The following NOX4 variants were observed in gnomAD, a reference collection of about 807,000 sequenced individuals.
The protein encoded by NOX4 is NADPH oxidase 4.
Under a neutral mutation model 87.6 loss-of-function variants are expected in NOX4, and 69 were observed. That is an observed-to-expected ratio of 0.79 (90% CI 0.65 to 0.96). NOX4 has a LOEUF of 0.96. Ranked by LOEUF, NOX4 falls within the 40% of genes least tolerant of loss-of-function variation. The pLI is 0.00. For synonymous variants in NOX4, 275 were observed against 238.2 expected (o/e 1.15, Z -1.42); for missense variants, 680 against 681.5 (o/e 1.00, Z 0.02).
intron 8 of NOX4, among the ~76,000 whole-genome samples, chr11:89,403,465 A>C (rs1240405192): frequency 6.6e-6 from 1 of 152,194 alleles, no homozygotes; most frequent in Non-Finnish European, 1.5e-5. Context: ...TTTACAGTAC[A>C]TGCTTTTTAA....
In NOX4 at chr11:89,491,226, G is replaced by A; in HGVS notation, c.21C>T (p.Ser7=). The part of the protein sequence containing the change: MAVSWR[S]WLANEGVKHL... Reference sequence around the variant, plus strand: ...GTTTAACCCCTTCGTTGGCGAGCCAGCTCCTCCAGGACACAGCCATGCCGC... The same window carrying A: ...GTTTAACCCCTTCGTTGGCGAGCCAACTCCTCCAGGACACAGCCATGCCGC... The change falls in exon 1 of 18, where the codon AGC becomes AGT. Residue 7 remains serine (S), a synonymous_variant. Coordinates refer to ENST00000263317, the MANE Select transcript of NOX4 (RefSeq NM_016931.5). 1.2e-6 allele frequency: 2 copies of A among 1,613,690 alleles called. No homozygotes were observed. The highest frequency in any genetic ancestry group is 2.7e-5 in the African/African-American group (2 of 75,060).
chr11:89,486,632 ACATATATATGTG>A, intron 2 of NOX4, among the ~76,000 whole-genome samples: 3 of 130,500 alleles, frequency 2.3e-5, no homozygotes, highest in South Asian at 2.3e-4. Context: ...GTGTATATAT[ACATATATATGTG>A]TGTATATATG....
intron 12 of NOX4, among the ~76,000 whole-genome samples, chr11:89,364,070 C>A (rs1232103854): frequency 6.6e-6 from 1 of 151,990 alleles, no homozygotes; most frequent in African/African-American, 2.4e-5. Flanking sequence ...CACAGCAAGA[C>A]CCTTGCTCTT....
At chr11:89,450,709 C>T (rs968134901) in intron 3 of NOX4, among the ~76,000 whole-genome samples, 9 of 149,776 alleles carry the variant, frequency 6.0e-5, no homozygotes, top group African/African-American at 1.7e-4. Flanking sequence ...TCTCCTAATG[C>T]CATCCCTCCC....
At chr11:89,410,899 G>A (rs570627025) in intron 8 of NOX4, among the ~76,000 whole-genome samples, 2 of 152,162 alleles carry the variant, frequency 1.3e-5, no homozygotes, top group Non-Finnish European at 2.9e-5. Context: ...GAGCAGCCAA[G>A]AGAGTGCTTG....
the NOX4 span, among the ~76,000 whole-genome samples, chr11:89,573,464 G>C: frequency 1.3e-5 from 2 of 152,184 alleles, no homozygotes; most frequent in African/African-American, 4.8e-5. Flanking sequence ...GTGCAAACCC[G>C]GGAGGCGGAG....
At position 89,489,502 on chromosome 11, in the gene NOX4, C is replaced by T. The variant is rs551013750; in HGVS notation, c.153+956G>A. On this transcript the variant is annotated intron_variant, in intron 2 of 17. Coordinates refer to ENST00000263317, the MANE Select transcript of NOX4 (RefSeq NM_016931.5). ...CAGCACTGTGGGAGGCTGAGGCAGG[C>T]GGATCACTTGAGGTCAGGAGTTCTA... Among the ~76,000 whole-genome samples, 293 of 151,904 alleles carry T rather than the reference C, an allele frequency of 1.9e-3. 1 individual carries two copies. Among genetic ancestry groups the T allele is most frequent in the African/African-American group, 6.5e-3 (271 of 41,472 alleles).
At chr11:89,504,754 T>A in the NOX4 span, among the ~76,000 whole-genome samples, 1 of 151,960 alleles carries the variant, frequency 6.6e-6, no homozygotes, top group African/African-American at 2.4e-5. Flanking sequence ...TCATACAAAC[T>A]TTGAGCACCT....
At chr11:89,468,852 C>CT (rs1174904171) in intron 2 of NOX4, among the ~76,000 whole-genome samples, 2 of 152,138 alleles carry the variant, frequency 1.3e-5, no homozygotes, top group East Asian at 3.9e-4. Flanking sequence ...TTAGCTGATT[C>CT]TCCCACCTCA....
the NOX4 span, among the ~76,000 whole-genome samples, chr11:89,575,991 T>C: frequency 6.6e-6 from 1 of 152,204 alleles, no homozygotes; most frequent in Non-Finnish European, 1.5e-5. Flanking sequence ...GAATGCTCCA[T>C]GTTGCTAACA....
At chr11:89,436,557 T>G (rs1019409851) in intron 6 of NOX4, among the ~76,000 whole-genome samples, 1 of 152,206 alleles carries the variant, frequency 6.6e-6, no homozygotes, top group Non-Finnish European at 1.5e-5. Flanking sequence ...ATATTAAATT[T>G]ATTAATTAGT....
chr11:89,362,717 T>A (rs556134762), intron 12 of NOX4, among the ~76,000 whole-genome samples: 9 of 152,132 alleles, frequency 5.9e-5, no homozygotes, highest in African/African-American at 2.2e-4. Context: ...CAAGAGTAGT[T>A]GTCATTCATT....
chr11:89,575,236 G>A, the NOX4 span, among the ~76,000 whole-genome samples: 51 of 148,672 alleles, frequency 3.4e-4, no homozygotes, highest in African/African-American at 1.2e-3. Flanking sequence ...TTCTAATGAA[G>A]CTTAGTGCCT....
At chr11:89,468,446 G>A (rs1945797301) in intron 2 of NOX4, among the ~76,000 whole-genome samples, 1 of 152,190 alleles carries the variant, frequency 6.6e-6, no homozygotes, top group Admixed American at 6.5e-5. Context: ...CCAGAGCAGT[G>A]CTGAAGACTA....
chr11:89,344,978 G>A (rs927263406), intron 13 of NOX4, among the ~76,000 whole-genome samples: 1 of 152,168 alleles, frequency 6.6e-6, no homozygotes, highest in South Asian at 2.1e-4. Flanking sequence ...GGAAAAAAGT[G>A]AGTGTGATAA....
chr11:89,539,639 T>G, the NOX4 span, among the ~76,000 whole-genome samples: 1 of 152,052 alleles, frequency 6.6e-6, no homozygotes, highest in African/African-American at 2.4e-5. Context: ...TTCTCTAACT[T>G]TCTTAGAGAA....
At chr11:89,516,499 G>C in the NOX4 span, among the ~76,000 whole-genome samples, 11 of 152,034 alleles carry the variant, frequency 7.2e-5, no homozygotes, top group African/African-American at 2.6e-4. Context: ...TAAATCTCAA[G>C]ATAAGATGCC....
chr11:89,570,015 A>T, the NOX4 span, among the ~76,000 whole-genome samples: 3 of 152,098 alleles, frequency 2.0e-5, no homozygotes, highest in South Asian at 6.2e-4. Context: ...AAAAAAAAAA[A>T]AAGAAAAAAG....
At chr11:89,351,323 GT>G (rs1438105090) in intron 13 of NOX4, among the ~76,000 whole-genome samples, 1 of 152,184 alleles carries the variant, frequency 6.6e-6, no homozygotes, top group Non-Finnish European at 1.5e-5. Flanking sequence ...GGTTCATGAG[GT>G]TTAAGAAAAG....
Sources: allele counts gnomAD v4.1 joint callset (sites outside exome capture counted in the v4.1 genomes callset), GRCh38; gene constraint gnomAD v4.1.1; transcripts MANE v1.5; gene names NCBI Gene and HGNC (gene_info 2026-07-23, HGNC 2026-07-21).